Variants in PTPN4 observed in about 807,000 individuals in gnomAD.
PTPN4 encodes the protein protein tyrosine phosphatase non-receptor type 4.
A neutral mutation model predicts 135.5 loss-of-function variants in PTPN4; 49 were observed. The observed-to-expected ratio is 0.36, with a 90% CI of 0.29 to 0.46. The LOEUF is 0.46. PTPN4 is among the 20% of genes least tolerant of loss of function. PTPN4 has a pLI of 1.00. For missense variants in PTPN4, 860 were observed against 1,101.0 expected, an observed-to-expected ratio of 0.78 and a Z score of 3.10; for synonymous variants, 333 against 369.9, an observed-to-expected ratio of 0.90 and a Z score of 1.14.
At chr2:119,809,402 T>G (rs1329889415) in intron 1 of PTPN4, among the ~76,000 whole-genome samples, 1 of 151,922 alleles carries the variant, frequency 6.6e-6, no homozygotes, top group Non-Finnish European at 1.5e-5. Context: ...CCCAACACCT[T>G]AAGTTTTTTA....
At position 119,952,143 on chromosome 2, in the gene PTPN4, G is replaced by A. The variant is rs1558773142; in HGVS notation, c.1813+14G>A. 3 of 1,599,122 alleles carry A rather than the reference G, an allele frequency of 1.9e-6. No individual in the cohort carries two copies. Among genetic ancestry groups the A allele is most frequent in the South Asian group, 1.1e-5 (1 of 90,062 alleles). ...TTCGACCTAATGGTGAGTACTCTAT[G>A]TAGTACCAGATAATTTATAGTAATT... On this transcript the variant is annotated intron_variant, in intron 19 of 26. Transcript: ENST00000263708.
intron 12 of PTPN4, among the ~76,000 whole-genome samples, chr2:119,922,099 C>T (rs996517453): frequency 2.0e-5 from 3 of 151,250 alleles, no homozygotes; most frequent in East Asian, 1.9e-4. Context: ...AATTTACATA[C>T]GGTGACTTCA....
intron 11 of PTPN4, among the ~76,000 whole-genome samples, chr2:119,919,017 C>CATGA (rs1168105539): frequency 3.3e-5 from 5 of 152,130 alleles, no homozygotes; most frequent in African/African-American, 1.2e-4. Flanking sequence ...CAAAAACAAG[C>CATGA]ATGACTATTC....
At chr2:119,965,448 A>G (rs761437188) in intron 24 of PTPN4, 49 bp from the exon 25 acceptor site, 1 of 1,522,982 alleles carries the variant, frequency 6.6e-7, no homozygotes, top group Non-Finnish European at 8.9e-7. Context: ...TGTAGGGACA[A>G]TTTCAATAAT....
chr2:119,773,015 A>T (rs897705537), intron 1 of PTPN4, among the ~76,000 whole-genome samples: 1 of 152,178 alleles, frequency 6.6e-6, no homozygotes, highest in Non-Finnish European at 1.5e-5. Context: ...GAGATTGTAG[A>T]ACTGAACCAC....
intron 3 of PTPN4, among the ~76,000 whole-genome samples, chr2:119,868,423 G>A (rs1677862108): frequency 6.6e-6 from 1 of 152,124 alleles, no homozygotes; most frequent in Non-Finnish European, 1.5e-5. Context: ...AAATTTTCTT[G>A]TAAAATTAAA....
At chr2:119,840,036 CT>C (rs938052572) in intron 2 of PTPN4, among the ~76,000 whole-genome samples, 5 of 152,048 alleles carry the variant, frequency 3.3e-5, no homozygotes, top group Non-Finnish European at 4.4e-5. Context: ...TATTTAAATA[CT>C]TTTTTTTCCT....
At chr2:119,850,770 T>A (rs1482365389) in intron 2 of PTPN4, among the ~76,000 whole-genome samples, 2 of 152,256 alleles carry the variant, frequency 1.3e-5, no homozygotes, top group Admixed American at 1.3e-4. Context: ...TGTTTTATAA[T>A]TTTCCCTAAT....
chr2:119,803,395 G>A (rs1364061739), intron 1 of PTPN4, among the ~76,000 whole-genome samples: 5 of 152,100 alleles, frequency 3.3e-5, no homozygotes, highest in Admixed American at 3.3e-4. Flanking sequence ...TTCAATCAGT[G>A]TATCTTGATT....
chr2:119,911,633 G>C (rs1678573582), intron 10 of PTPN4, among the ~76,000 whole-genome samples: 1 of 151,776 alleles, frequency 6.6e-6, no homozygotes, highest in South Asian at 2.1e-4. Flanking sequence ...TTGTACACCA[G>C]GTCCTTACTA....
rs946214101 is a variant in PTPN4 at position 119,934,698 on chromosome 2, T to A, written c.1197-102T>A. The A allele has an allele frequency of 2.5e-6, 3 of 1,219,414 alleles. No individual in the cohort carries two copies. In the African/African-American group the frequency reaches 4.6e-5, roughly 19 times the overall value. 75.5% of individuals were successfully genotyped at this position (1,219,414 alleles called of 1,614,324 possible). The stretch of plus-strand genomic sequence containing the variant: ...GATTGCTTAGTCAACATGGCTTGAC[T>A]TAAAAACACATACCCCCTTTCTGAT... On this transcript the variant is annotated intron_variant, in intron 14 of 26. Transcript: ENST00000263708.
rs1277574877 is a variant in PTPN4, at chr2:119,978,602, GAGAT to G, written c.*1536_*1539del. On this transcript the variant is annotated 3_prime_UTR_variant, in exon 27 of 27. Coordinates refer to ENST00000263708, the MANE Select transcript of PTPN4 (RefSeq NM_002830.4). ...GTTTTTTTGTTTTTAAGTCTACAGAGAGATAGAACCTTAACATTGCCCAGTTTGA... is the reference window on the plus strand; with the variant it reads ...GTTTTTTTGTTTTTAAGTCTACAGAGAGAACCTTAACATTGCCCAGTTTGA... The G allele has an allele frequency of 1.3e-5, 2 of 152,072 alleles. No homozygotes were observed. The highest frequency in any genetic ancestry group is 2.9e-5 in the Non-Finnish European group (2 of 67,962). The allele number at this position is 152,072 out of a possible 1,614,324, so 9.4% of individuals were successfully genotyped here.
intron 1 of PTPN4, among the ~76,000 whole-genome samples, chr2:119,808,314 A>T (rs888437895): frequency 6.6e-6 from 1 of 152,200 alleles, no homozygotes; most frequent in Admixed American, 6.5e-5. Flanking sequence ...ACATGATTGT[A>T]TATATAGAAA....
At chr2:119,832,153 G>A (rs1255207358) in intron 2 of PTPN4, among the ~76,000 whole-genome samples, 1 of 152,068 alleles carries the variant, frequency 6.6e-6, no homozygotes, top group Non-Finnish European at 1.5e-5. Context: ...CAAAATCGGA[G>A]GTAGAAAACT....
chr2:119,766,488 G>GTGTC (rs1295433998), intron 1 of PTPN4, among the ~76,000 whole-genome samples: 5 of 141,310 alleles, frequency 3.5e-5, no homozygotes, highest in African/African-American at 1.1e-4. Flanking sequence ...GTGTGTCTGT[G>GTGTC]TGTGTGTGTG....
At chr2:119,973,203 T>C (rs969990591) in intron 26 of PTPN4, among the ~76,000 whole-genome samples, 1 of 152,156 alleles carries the variant, frequency 6.6e-6, no homozygotes, top group African/African-American at 2.4e-5. Flanking sequence ...ACCATTCTAC[T>C]TTCTGTTCCT....
chr2:119,906,453 C>T (rs1191817927), intron 10 of PTPN4, among the ~76,000 whole-genome samples: 5 of 151,814 alleles, frequency 3.3e-5, no homozygotes, highest in East Asian at 1.9e-4. Flanking sequence ...ACATTTTTCA[C>T]GTATCTACAC....
At chr2:119,761,983 G>A (rs1456850345) in intron 1 of PTPN4, among the ~76,000 whole-genome samples, 1 of 152,072 alleles carries the variant, frequency 6.6e-6, no homozygotes, top group Non-Finnish European at 1.5e-5. Flanking sequence ...TCAAACTTGT[G>A]TTTTTTTCTT....
At chr2:119,881,202 C>G (rs1349547862) in intron 5 of PTPN4, among the ~76,000 whole-genome samples, 1 of 152,156 alleles carries the variant, frequency 6.6e-6, no homozygotes, top group Non-Finnish European at 1.5e-5. Flanking sequence ...AAATTGAATA[C>G]TTGACAATTC....
Sources: allele counts gnomAD v4.1 joint callset (sites outside exome capture counted in the v4.1 genomes callset), GRCh38; gene constraint gnomAD v4.1.1; transcripts MANE v1.5; gene names NCBI Gene and HGNC (gene_info 2026-07-23, HGNC 2026-07-21).